Variants in SNRNP70 observed in about 807,000 individuals in gnomAD.
The protein encoded by SNRNP70 is U1 small nuclear ribonucleoprotein 70 kDa.
A neutral mutation model predicts 50.5 loss-of-function variants in SNRNP70; 8 were observed. The observed-to-expected ratio is 0.16, with a 90% CI of 0.09 to 0.29. The LOEUF is 0.29. Ranked by LOEUF, SNRNP70 falls within the 10% of genes least tolerant of loss-of-function variation. The probability of loss-of-function intolerance (pLI) is 1.00; values close to 1 mark genes in which losing one functional copy is unlikely to be tolerated. For missense variants in SNRNP70, 529 were observed against 663.5 expected (o/e 0.80, Z 2.23); for synonymous variants, 320 against 252.9 (o/e 1.27, Z -2.52).
intron 4 of SNRNP70, among the ~76,000 whole-genome samples, chr19:49,095,930 C>T (rs573829305): frequency 7.1e-4 from 94 of 132,064 alleles, no homozygotes; most frequent in African/African-American, 2.7e-3. Context: ...CAAACATCGG[C>T]GAATAAAAAG....
Position 49,104,759 on chromosome 19 carries a change from G to A in SNRNP70, c.577+24G>A, listed in dbSNP as rs150064079. ...AGGTGAGCACATCCTGCCTTCGACG[G>A]GCTCTCGGGGGCCCTGGGCCTGGTG... On this transcript the variant is annotated intron_variant, in intron 8 of 9. Transcript: ENST00000598441. The surrounding 1 kb of genome is among the most constrained non-coding windows in gnomAD (Gnocchi z 5.4). The A allele has an allele frequency of 1.4e-4, 206 of 1,458,638 alleles. No homozygotes were observed. The highest frequency in any genetic ancestry group is 1.2e-4 in the Non-Finnish European group (131 of 1,081,048). The allele number at this position is 1,458,638 out of a possible 1,614,324, so 90.4% of individuals were successfully genotyped here.
intron 8 of SNRNP70, among the ~76,000 whole-genome samples, chr19:49,106,951 TC>T (rs759934903): frequency 2.0e-5 from 3 of 152,208 alleles, no homozygotes; most frequent in South Asian, 4.1e-4. Flanking sequence ...AACCTGAAAC[TC>T]CAGGGGAAGG....
chr19:49,087,742 G>A (rs1425913070), intron 2 of SNRNP70: 1 of 152,204 alleles, frequency 6.6e-6, no homozygotes, highest in Non-Finnish European at 1.5e-5. Flanking sequence ...TGGAGGCGAG[G>A]GAGTTGCAGA....
In SNRNP70 at chr19:49,085,560, G is replaced by C. The variant is rs1568415954; in HGVS notation, c.-87G>C. The C allele has an allele frequency of 2.2e-6, 1 of 456,094 alleles. No homozygotes were observed. The highest frequency in any genetic ancestry group is 6.9e-5 in the East Asian group (1 of 14,396). 28.3% of individuals were successfully genotyped at this position (456,094 alleles called of 1,614,324 possible). On this transcript the variant is annotated 5_prime_UTR_variant, in exon 1 of 10. Transcript: ENST00000598441. ...GCCCCCGGAGTGGAAGCCGAAGCAGGAGTTGTTGTTGCTGAGGGGCTGCCG... is the reference window on the plus strand; with the variant it reads ...GCCCCCGGAGTGGAAGCCGAAGCAGCAGTTGTTGTTGCTGAGGGGCTGCCG...
chr19:49,098,580 T>C (rs2040541965), intron 5 of SNRNP70, 62 bp from the exon 6 acceptor site: 2 of 1,593,848 alleles, frequency 1.3e-6, no homozygotes, highest in Admixed American at 1.7e-5. Context: ...TACAGGGGAA[T>C]GTTCCAGGGG....
In SNRNP70 at chr19:49,107,609, G is replaced by A. The variant is rs1324755571; in HGVS notation, c.578-16G>A. 6.2e-6 allele frequency: 10 copies of A among 1,612,822 alleles called. No individual in the cohort carries two copies. Among genetic ancestry groups the A allele is most frequent in the Non-Finnish European group, 5.9e-6 (7 of 1,178,910 alleles). ...CCCTGCCCAGATTCACCCTCTGTCC[G>A]TCTGCCCTGCCCCAGGAGGAGGCCT... On this transcript the variant is annotated splice_polypyrimidine_tract_variant and intron_variant, in intron 8 of 9. Transcript: ENST00000598441. The surrounding 1 kb of genome is among the most constrained non-coding windows in gnomAD (Gnocchi z 6.0).
rs192616805 is a variant in SNRNP70 at position 49,101,805 on chromosome 19, C to T, written c.475+334C>T. ...GGATTTTGGGGGAACCTCCCCCATT[C>T]CCCCCACTGAAGTTGGGGGTGGCCA... is the stretch of plus-strand genomic sequence containing the variant. On this transcript the variant is annotated intron_variant, in intron 7 of 9. Coordinates refer to ENST00000598441, the MANE Select transcript of SNRNP70 (RefSeq NM_003089.6). 1.7e-4 allele frequency: 68 copies of T among 392,208 alleles called. No homozygotes were observed. In the East Asian group the frequency reaches 3.6e-3, roughly 21 times the overall value. 24.3% of individuals were successfully genotyped at this position (392,208 alleles called of 1,614,324 possible).
Position 49,090,506 on chromosome 19 carries a change from C to T in SNRNP70, c.251C>T (p.Thr84Ile), listed in dbSNP as rs1190834721. 1 of 1,613,994 alleles carries T rather than the reference C, an allele frequency of 6.2e-7. No individual in the cohort carries two copies. Among genetic ancestry groups the T allele is most frequent in the African/African-American group, 1.3e-5 (1 of 74,910 alleles). ...GAGCGGCGACAGCAAGAAGTGGAGA[C>T]AGAGCTTAAAATGTGTAAGTCTCTC... The part of the protein sequence containing the change: ...KIERRQQEVE[T>I]ELKMWDPHND... The change falls in exon 4 of 10, where the codon ACA becomes ATA. Residue 84 changes from threonine (T) to isoleucine (I), a missense_variant. Thr to Ile is a moderately conservative substitution (Grantham distance 89). Around this residue, in one of 4 missense-constraint regions of SNRNP70, gnomAD observed 149 missense variants for 259.7 expected, o/e 0.57. Transcript: ENST00000598441.
Position 49,104,318 on chromosome 19 carries a change from C to A in SNRNP70, c.476-316C>A. On this transcript the variant is annotated intron_variant, in intron 7 of 9. Transcript: ENST00000598441. This position sits in a 1 kb window ranked among gnomAD's most constrained non-coding sequence, Gnocchi z 5.4. The stretch of plus-strand genomic sequence containing the variant: ...AGTTTCTTTGCAGCGATTTTGGCCG[C>A]CCTGGCGGGAGGGGGCTGTTCCATC... The A allele has an allele frequency of 3.2e-6, 1 of 312,970 alleles. No homozygotes were observed. The highest frequency in any genetic ancestry group is 6.0e-6 in the Non-Finnish European group (1 of 167,074). The allele number at this position is 312,970 out of a possible 1,614,324, so 19.4% of individuals were successfully genotyped here.
chr19:49,085,455 G>C lies in SNRNP70; in HGVS notation c.-192G>C. ...CCGGGACCCACCCCCTGCTCCAGTC[G>C]CTATCGGAGGCCGCGCGGGTGGCTG... On this transcript the variant is annotated 5_prime_UTR_variant, in exon 1 of 10. Coordinates refer to ENST00000598441, the MANE Select transcript of SNRNP70 (RefSeq NM_003089.6). The C allele has an allele frequency of 2.4e-6, 1 of 423,756 alleles. No individual in the cohort carries two copies. The highest frequency in any genetic ancestry group is 4.8e-6 in the Non-Finnish European group (1 of 208,908). 26.2% of individuals were successfully genotyped at this position (423,756 alleles called of 1,614,324 possible).
At position 49,107,899 on chromosome 19, in the gene SNRNP70, C is replaced by A; in HGVS notation, c.770C>A (p.Ser257Tyr). Residue 257 changes from serine to tyrosine, a missense_variant, in exon 10 of 10, where the codon TCC becomes TAC. Transcript: ENST00000598441. This position sits in a 1 kb window ranked among gnomAD's most constrained non-coding sequence, Gnocchi z 6.0. ...GACAAGGAGCGAGAACGGCGACGCTCCCGCTCCCGGGACCGGCGGAGGCGC... is the reference window on the plus strand; with the variant it reads ...GACAAGGAGCGAGAACGGCGACGCTACCGCTCCCGGGACCGGCGGAGGCGC... ...ERDKERERRR[S>Y]RSRDRRRRSR... The A allele has an allele frequency of 6.5e-7, 1 of 1,548,378 alleles. No homozygotes were observed. Among genetic ancestry groups the A allele is most frequent in the South Asian group, 1.2e-5 (1 of 84,138 alleles).
chr19:49,089,325 G>A (rs1487499333), intron 2 of SNRNP70, among the ~76,000 whole-genome samples: 1 of 152,006 alleles, frequency 6.6e-6, no homozygotes, highest in East Asian at 1.9e-4. Flanking sequence ...CCGCTTGAAC[G>A]ATTCTAGTCA....
intron 4 of SNRNP70, among the ~76,000 whole-genome samples, chr19:49,092,098 TTTTGTTTGTTTG>T (rs146031499): frequency 6.6e-6 from 1 of 151,738 alleles, no homozygotes; most frequent in Non-Finnish European, 1.5e-5. Context: ...ACCTATGTCT[TTTTGTTTGTTTG>T]TTTGTTTGTT....
At position 49,085,564 on chromosome 19, in the gene SNRNP70, T is replaced by G. The variant is rs1469187536; in HGVS notation, c.-83T>G. The G allele has an allele frequency of 2.2e-6, 1 of 455,886 alleles. No homozygotes were observed. Among genetic ancestry groups the G allele is most frequent in the South Asian group, 1.5e-5 (1 of 64,530 alleles). 28.2% of individuals were successfully genotyped at this position (455,886 alleles called of 1,614,324 possible). ...CCGGAGTGGAAGCCGAAGCAGGAGT[T>G]GTTGTTGCTGAGGGGCTGCCGCAGC... On this transcript the variant is annotated 5_prime_UTR_variant, in exon 1 of 10. Coordinates refer to ENST00000598441, the MANE Select transcript of SNRNP70 (RefSeq NM_003089.6).
Position 49,093,109 on chromosome 19 carries a change from T to G in SNRNP70, c.265+2589T>G, listed in dbSNP as rs1018540152. Among the ~76,000 whole-genome samples, 13 of 151,248 alleles carry G rather than the reference T, an allele frequency of 8.6e-5. No homozygotes were observed. The Admixed American group carries it at 8.6e-4, about 10-fold the overall frequency. On this transcript the variant is annotated intron_variant, in intron 4 of 9. Coordinates refer to ENST00000598441, the MANE Select transcript of SNRNP70 (RefSeq NM_003089.6). ...GTGTTTTTCATTTTTTGTTTTTTGT[T>G]TTTTAGATGGAGTTTTGCTGTTATT... is the stretch of plus-strand genomic sequence containing the variant.
At chr19:49,091,300 C>G (rs1285947433) in intron 4 of SNRNP70, among the ~76,000 whole-genome samples, 3 of 147,898 alleles carry the variant, frequency 2.0e-5, no homozygotes, top group Non-Finnish European at 4.5e-5. Context: ...ACCCAGAAGG[C>G]GGAGGTTGCA....
At chr19:49,086,316 G>T in intron 1 of SNRNP70, 89 bp from the exon 2 acceptor site, 10 of 1,416,088 alleles carry the variant, frequency 7.1e-6, no homozygotes, top group Non-Finnish European at 7.6e-6. Flanking sequence ...CTTTTCTCCT[G>T]TCTTTCTTAT....
In SNRNP70 at chr19:49,108,589, A is replaced by G. The variant is rs565523581; in HGVS notation, c.*146A>G. On this transcript the variant is annotated 3_prime_UTR_variant, in exon 10 of 10. Coordinates refer to ENST00000598441, the MANE Select transcript of SNRNP70 (RefSeq NM_003089.6). ...CTGGCCCCTTGGATTTAAAAATAAA[A>G]TTAATTTCCTGTTGATAGTGGGCAC... 1.8e-6 allele frequency: 2 copies of G among 1,109,764 alleles called. No individual in the cohort carries two copies. Among genetic ancestry groups the G allele is most frequent in the Non-Finnish European group, 1.2e-6 (1 of 805,192 alleles). 68.7% of individuals were successfully genotyped at this position (1,109,764 alleles called of 1,614,324 possible). A position where few individuals can be genotyped will look rare whatever the true frequency, so the allele number is the denominator to read the frequency against.
chr19:49,088,146 C>T (rs946146847), intron 2 of SNRNP70, among the ~76,000 whole-genome samples: 1 of 151,460 alleles, frequency 6.6e-6, no homozygotes, highest in Non-Finnish European at 1.5e-5. Context: ...CCCCCTTGGC[C>T]TCCCAGAGTG....
Sources: allele counts gnomAD v4.1 joint callset (sites outside exome capture counted in the v4.1 genomes callset), GRCh38; gene constraint gnomAD v4.1.1; regional missense constraint gnomAD v4.1.1; non-coding constraint Gnocchi (gnomAD v3.1); transcripts MANE v1.5; gene names NCBI Gene and HGNC (gene_info 2026-07-23, HGNC 2026-07-21).